CHD9: variants seen among roughly 807,000 people sequenced by gnomAD.
CHD9 encodes ATP-dependent chromatin remodeler CHD9.
Under a neutral mutation model 316.1 loss-of-function variants are expected in CHD9, and 77 were observed. That is an observed-to-expected ratio of 0.24 (90% CI 0.20 to 0.29). CHD9 has a LOEUF of 0.29. Ranked by LOEUF, CHD9 falls within the 10% of genes least tolerant of loss-of-function variation. CHD9 has a pLI of 1.00. For synonymous variants in CHD9, 1,129 were observed against 1,158.3 expected, an observed-to-expected ratio of 0.97 and a Z score of 0.51; for missense variants, 2,763 against 3,438.1, an observed-to-expected ratio of 0.80 and a Z score of 4.91.
At chr16:53,060,822 G>T (rs533758372) in intron 1 of CHD9, among the ~76,000 whole-genome samples, 4 of 152,044 alleles carry the variant, frequency 2.6e-5, no homozygotes, top group African/African-American at 9.7e-5. Context: ...TTGGGAAGCT[G>T]ACGGGGGAGG....
chr16:53,246,353 A>G (rs909202674), intron 15 of CHD9, among the ~76,000 whole-genome samples: 2 of 152,214 alleles, frequency 1.3e-5, no homozygotes, highest in Non-Finnish European at 2.9e-5. Flanking sequence ...TTGTAGTTAC[A>G]GTACTCTCTT....
intron 16 of CHD9, 149 bp from the exon 17 acceptor site, chr16:53,249,722 A>G (rs2049973923): frequency 1.5e-6 from 1 of 655,070 alleles, no homozygotes; most frequent in Non-Finnish European, 2.6e-6. Flanking sequence ...ACCAAAAAGT[A>G]TAAAGTCACA....
intron 1 of CHD9, among the ~76,000 whole-genome samples, chr16:53,135,021 G>A (rs2039613218): frequency 6.6e-6 from 1 of 152,144 alleles, no homozygotes; most frequent in Non-Finnish European, 1.5e-5. Flanking sequence ...AGAAATTAAT[G>A]TTGTATTCTC....
chr16:53,257,574 AT>A (rs1212052854), intron 19 of CHD9, among the ~76,000 whole-genome samples: 2 of 152,120 alleles, frequency 1.3e-5, no homozygotes, highest in Non-Finnish European at 2.9e-5. Flanking sequence ...TGACTTGAAG[AT>A]TTTTTGCTTA....
At chr16:53,244,045 A>G (rs1329979185) in intron 13 of CHD9, among the ~76,000 whole-genome samples, 1 of 152,184 alleles carries the variant, frequency 6.6e-6, no homozygotes, top group Non-Finnish European at 1.5e-5. Context: ...TCGCAGATAC[A>G]TATACAAATA....
chr16:53,293,379 C>T (rs1395801553), intron 29 of CHD9, among the ~76,000 whole-genome samples: 1 of 152,064 alleles, frequency 6.6e-6, no homozygotes, highest in Non-Finnish European at 1.5e-5. Context: ...CTTTGGGAGG[C>T]CGAGGTGGGA....
chr16:53,225,332 A>C (rs2047562136), intron 4 of CHD9, among the ~76,000 whole-genome samples: 1 of 152,204 alleles, frequency 6.6e-6, no homozygotes, highest in South Asian at 2.1e-4. Context: ...AATATTGAGC[A>C]ATTGAACAGT....
intron 1 of CHD9, among the ~76,000 whole-genome samples, chr16:53,141,727 T>G (rs1282711797): frequency 6.6e-6 from 1 of 152,048 alleles, no homozygotes; most frequent in Non-Finnish European, 1.5e-5. Context: ...TCTTGTTTAG[T>G]AGGGATAAAG....
intron 8 of CHD9, among the ~76,000 whole-genome samples, chr16:53,229,468 A>T (rs944380059): frequency 6.6e-6 from 1 of 152,204 alleles, no homozygotes; most frequent in African/African-American, 2.4e-5. Context: ...AATATATTGC[A>T]TATTTTCTAT....
chr16:53,173,244 C>A (rs1426108901), intron 2 of CHD9, among the ~76,000 whole-genome samples: 3 of 139,522 alleles, frequency 2.2e-5, no homozygotes, highest in African/African-American at 8.0e-5. Context: ...TTATCTGTGT[C>A]TTTTTGAGTG....
chr16:53,252,400 C>G (rs1319203786), intron 17 of CHD9, among the ~76,000 whole-genome samples: 2 of 152,116 alleles, frequency 1.3e-5, no homozygotes, highest in African/African-American at 4.8e-5. Flanking sequence ...CAAAAATCAA[C>G]TCAAGATGCA....
In CHD9 at chr16:53,307,684, C is replaced by T. The variant is rs965151495; in HGVS notation, c.6784C>T (p.Arg2262Cys). The change falls in exon 33 of 39, where the codon CGT (arginine) becomes TGT (cysteine). Residue 2262 changes from arginine to cysteine, a missense_variant. Physicochemically the swap from Arg to Cys is radical, Grantham distance 180. Coordinates refer to ENST00000447540, the MANE Select transcript of CHD9 (RefSeq NM_001308319.2). ...TTGATGTTGCACGCTTTTCTAGGAT[C>T]GTGTGATGATCAATAGGTTGGACAG... The part of the protein sequence containing the change: ...MLAASYWPKD[R>C]VMINRLDSIC... 2.5e-6 allele frequency: 4 copies of T among 1,602,664 alleles called. No homozygotes were observed. Among genetic ancestry groups the T allele is most frequent in the Non-Finnish European group, 3.4e-6 (4 of 1,174,218 alleles).
chr16:53,216,526 T>G (rs982331580), intron 3 of CHD9, among the ~76,000 whole-genome samples: 1 of 152,184 alleles, frequency 6.6e-6, no homozygotes, highest in African/African-American at 2.4e-5. Context: ...ACTCATAATC[T>G]GAGAATAAAG....
intron 30 of CHD9, among the ~76,000 whole-genome samples, chr16:53,302,685 T>C (rs1413002639): frequency 6.6e-6 from 1 of 152,218 alleles, no homozygotes; most frequent in African/African-American, 2.4e-5. Flanking sequence ...TTCTCTCTCA[T>C]CTATTTAATC....
At chr16:53,125,721 C>G (rs1205738046) in intron 1 of CHD9, among the ~76,000 whole-genome samples, 2 of 152,212 alleles carry the variant, frequency 1.3e-5, no homozygotes, top group African/African-American at 2.4e-5. Context: ...GTATGATGGA[C>G]TGCGTTGCCA....
chr16:53,109,360 A>C (rs1340859305), intron 1 of CHD9, among the ~76,000 whole-genome samples: 1 of 152,214 alleles, frequency 6.6e-6, no homozygotes, highest in East Asian at 1.9e-4. Flanking sequence ...TTAATTTAAC[A>C]GCCCTCAGAA....
At chr16:53,220,922 A>G (rs1441265746) in intron 3 of CHD9, among the ~76,000 whole-genome samples, 1 of 152,148 alleles carries the variant, frequency 6.6e-6, no homozygotes, top group Non-Finnish European at 1.5e-5. Flanking sequence ...TTTTCATCAT[A>G]TCAAATGTTG....
intron 1 of CHD9, among the ~76,000 whole-genome samples, chr16:53,108,741 G>C (rs772094573): frequency 1.6e-4 from 25 of 151,844 alleles, no homozygotes; most frequent in Non-Finnish European, 2.8e-4. Context: ...CAGGCATGGT[G>C]GTGGGTGCCT....
intron 1 of CHD9, among the ~76,000 whole-genome samples, chr16:53,148,964 G>A (rs2040864790): frequency 6.6e-6 from 1 of 152,052 alleles, no homozygotes; most frequent in African/African-American, 2.4e-5. Flanking sequence ...TTGCTATATT[G>A]CGTTTCAATT....
Sources: gnomAD v4.1 joint callset for allele counts (sites outside exome capture counted in the v4.1 genomes callset) on GRCh38, gnomAD v4.1.1 for gene constraint, MANE v1.5 for transcripts, NCBI Gene and HGNC (gene_info 2026-07-23, HGNC 2026-07-21) for gene names.